The following CALB2 variants were observed in gnomAD, a reference collection of about 807,000 sequenced individuals.
The protein encoded by CALB2 is calbindin 2, also known as calretinin.
CALB2 carries 34 observed loss-of-function variants against 45.9 expected under a neutral mutation model. That is an observed-to-expected ratio of 0.74 (90% CI 0.56 to 0.99). The LOEUF is 0.99. CALB2 is among the 50% of genes least tolerant of loss of function. CALB2 has a pLI of 0.00. For missense variants in CALB2, 344 were observed against 339.3 expected (o/e 1.01, Z -0.11); for synonymous variants, 142 against 129.6 (o/e 1.10, Z -0.65).
At chr16:71,379,270 CTAAT>C (rs2042456177) in intron 4 of CALB2, among the ~76,000 whole-genome samples, 4 of 129,054 alleles carry the variant, frequency 3.1e-5, no homozygotes, top group South Asian at 2.9e-4. Context: ...AAGACTCTGT[CTAAT>C]AAATAAATAA....
intron 1 of CALB2, among the ~76,000 whole-genome samples, chr16:71,370,107 T>G (rs1418166710): frequency 6.6e-6 from 1 of 152,212 alleles, no homozygotes; most frequent in Non-Finnish European, 1.5e-5. Flanking sequence ...ATTGCAATCA[T>G]GTCTTTTCCC....
intron 1 of CALB2, among the ~76,000 whole-genome samples, chr16:71,369,541 G>T (rs909287762): frequency 6.6e-6 from 1 of 152,140 alleles, no homozygotes; most frequent in East Asian, 1.9e-4. Flanking sequence ...TGCTCTGCGG[G>T]CTTCCCCTAC....
chr16:71,384,876 C>T (rs1704288725), intron 9 of CALB2, 40 bp downstream of exon 9: 4 of 1,568,422 alleles, frequency 2.6e-6, no homozygotes, highest in Non-Finnish European at 3.5e-6. Context: ...AATCAGAAGC[C>T]CATCAGCCCG....
chr16:71,389,685 C>T (rs1469706658), intron 10 of CALB2, 64 bp from the exon 11 acceptor site: 30 of 1,100,620 alleles, frequency 2.7e-5, no homozygotes, highest in East Asian at 4.7e-5. Flanking sequence ...TGAATGTGGA[C>T]GTGGGCTCCT....
rs74711408 is a variant in CALB2, at chr16:71,385,126, A to G, written c.627+290A>G. 1.6e-3 allele frequency among the ~76,000 whole-genome samples: 241 copies of G among 152,290 alleles called. 4 individuals carry two copies. The South Asian group carries it at 0.021, about 13-fold the overall frequency. ...CGGGAGCCAAAGGGAAGAGACACTC[A>G]GAACTGCCCTGGTGCCAGATCACAA... On this transcript the variant is annotated intron_variant, in intron 9 of 10. Transcript: ENST00000302628.
At chr16:71,381,030 T>G in intron 4 of CALB2, among the ~76,000 whole-genome samples, 1 of 152,270 alleles carries the variant, frequency 6.6e-6, no homozygotes, top group Non-Finnish European at 1.5e-5. Flanking sequence ...TGGTCGGAAG[T>G]GGACCCGCTG....
chr16:71,377,323 A>T (rs576377948), intron 3 of CALB2, among the ~76,000 whole-genome samples: 4 of 152,274 alleles, frequency 2.6e-5, no homozygotes, highest in South Asian at 2.1e-4. Context: ...ACCCCAGGCA[A>T]CCACCCATCT....
chr16:71,384,616 C>CACACAATCAGACA (rs2042545131), intron 8 of CALB2, among the ~76,000 whole-genome samples, 167 bp from the exon 9 acceptor site: 1 of 4,070 alleles, frequency 2.5e-4, no homozygotes, highest in African/African-American at 8.8e-4. Flanking sequence ...ACGCACACAC[C>CACACAATCAGACA]CCACATACAC....
At chr16:71,380,286 CCTTTTCTTTT>C (rs2042473028) in intron 4 of CALB2, among the ~76,000 whole-genome samples, 3 of 106,792 alleles carry the variant, frequency 2.8e-5, no homozygotes, top group Non-Finnish European at 5.3e-5. Flanking sequence ...TTCTTTCCTT[CCTTTTCTTTT>C]TTTTTTTTTT....
intron 4 of CALB2, among the ~76,000 whole-genome samples, chr16:71,381,409 CAA>C (rs72039915): frequency 1.3e-3 from 169 of 134,522 alleles, no homozygotes; most frequent in Middle Eastern, 3.8e-3. Context: ...TGTCTTGTGA[CAA>C]AAAAAAAAAA....
chr16:71,388,762 C>T (rs2042600592), intron 10 of CALB2, among the ~76,000 whole-genome samples: 1 of 151,374 alleles, frequency 6.6e-6, no homozygotes, highest in Non-Finnish European at 1.5e-5. Context: ...GGGCAGATCA[C>T]CTGAGGTCAG....
intron 1 of CALB2, among the ~76,000 whole-genome samples, chr16:71,365,075 C>T (rs1037452897): frequency 3.9e-5 from 6 of 152,166 alleles, no homozygotes; most frequent in Non-Finnish European, 7.3e-5. Context: ...AATACTGGGG[C>T]AGAGCCTGGG....
chr16:71,390,248 A>G lies in CALB2; in HGVS notation c.*383A>G, dbSNP rs549076710. ...GTCCCCCATGCCACCACCCACCCCA[A>G]ACTTCCAGGTTCCATCCACCACCTT... On this transcript the variant is annotated 3_prime_UTR_variant, in exon 11 of 11. Transcript: ENST00000302628. The G allele has an allele frequency of 2.1e-4, 37 of 174,360 alleles. No homozygotes were observed. Among genetic ancestry groups the G allele is most frequent in the Middle Eastern group, 2.5e-3 (1 of 394 alleles). 10.8% of individuals were successfully genotyped at this position (174,360 alleles called of 1,614,324 possible).
intron 5 of CALB2, among the ~76,000 whole-genome samples, 162 bp from the exon 6 acceptor site, chr16:71,383,205 T>C (rs572388408): frequency 6.6e-5 from 10 of 152,062 alleles, no homozygotes; most frequent in South Asian, 2.1e-4. Flanking sequence ...TAAAAGTCAC[T>C]CCCCAAGAGT....
Position 71,377,700 on chromosome 16 carries a change from C to T in CALB2, c.295C>T (p.Leu99Phe). The change falls in exon 4 of 11, where the codon CTT becomes TTT. Residue 99 changes from leucine (L) to phenylalanine (F), a missense_variant. Leu to Phe is a conservative substitution (Grantham distance 22, BLOSUM62 0). Transcript: ENST00000302628. ...GATCCTGCCAACCGAAGAGAACTTC[C>T]TTCTGTGCTTCAGGCAGCACGTGGG... is the stretch of plus-strand genomic sequence containing the variant. ...AQILPTEENFLLCFRQHVGSS... is the reference protein window; with the variant it reads ...AQILPTEENFFLCFRQHVGSS... 1.2e-6 allele frequency: 2 copies of T among 1,614,082 alleles called. No individual in the cohort carries two copies. Among genetic ancestry groups the T allele is most frequent in the Non-Finnish European group, 1.7e-6 (2 of 1,179,952 alleles).
intron 5 of CALB2, 87 bp from the exon 6 acceptor site, chr16:71,383,280 A>G (rs756313348): frequency 1.4e-5 from 16 of 1,178,328 alleles, no homozygotes; most frequent in Non-Finnish European, 2.0e-5. Context: ...ACACACATTG[A>G]GAGACTGTCT....
At chr16:71,378,975 T>C (rs2042451734) in intron 4 of CALB2, among the ~76,000 whole-genome samples, 1 of 152,206 alleles carries the variant, frequency 6.6e-6, no homozygotes, top group Non-Finnish European at 1.5e-5. Flanking sequence ...TCGGTTTTCC[T>C]TTTTAAAATT....
intron 1 of CALB2, among the ~76,000 whole-genome samples, chr16:71,368,064 CT>C (rs1403658659): frequency 6.6e-6 from 1 of 152,186 alleles, no homozygotes; most frequent in African/African-American, 2.4e-5. Flanking sequence ...CACCATCATT[CT>C]TTCATTGCTC....
intron 10 of CALB2, among the ~76,000 whole-genome samples, chr16:71,387,841 G>C (rs72802020): frequency 7.2e-4 from 109 of 152,290 alleles, no homozygotes; most frequent in Non-Finnish European, 1.1e-3. Flanking sequence ...TCACAACTTA[G>C]GGAAGGTGCC....
Sources: allele counts gnomAD v4.1 joint callset (sites outside exome capture counted in the v4.1 genomes callset), GRCh38; gene constraint gnomAD v4.1.1; transcripts MANE v1.5; gene names NCBI Gene and HGNC (gene_info 2026-07-23, HGNC 2026-07-21).